The following RIMS2 variants were observed in gnomAD, a reference collection of about 807,000 sequenced individuals.
RIMS2 encodes regulating synaptic membrane exocytosis 2.
RIMS2 carries 59 observed loss-of-function variants against 174.4 expected under a neutral mutation model. The observed-to-expected ratio is 0.34, with a 90% CI of 0.27 to 0.42. The LOEUF (loss-of-function observed/expected upper bound fraction) is 0.42, where lower values mean the gene tolerates loss of function less well. RIMS2 is among the 10% of genes least tolerant of loss of function. The probability of loss-of-function intolerance (pLI) is 1.00; values close to 1 mark genes in which losing one functional copy is unlikely to be tolerated. For missense variants in RIMS2, 1,620 were observed against 1,666.3 expected (o/e 0.97, Z 0.48); for synonymous variants, 606 against 572.5 (o/e 1.06, Z -0.84).
intron 19 of RIMS2, among the ~76,000 whole-genome samples, chr8:104,047,372 A>G (rs2096712884): frequency 6.6e-6 from 1 of 152,098 alleles, no homozygotes; most frequent in Admixed American, 6.6e-5. Flanking sequence ...GTTAGGGAAA[A>G]TATTTGTTCC....
intron 19 of RIMS2, among the ~76,000 whole-genome samples, chr8:104,145,028 A>G (rs901994734): frequency 3.9e-5 from 6 of 152,216 alleles, no homozygotes; most frequent in African/African-American, 1.4e-4. Flanking sequence ...TATGTATAAC[A>G]GCATTTTCAA....
chr8:103,938,350 C>G (rs1158095286), intron 13 of RIMS2, among the ~76,000 whole-genome samples: 1 of 151,958 alleles, frequency 6.6e-6, no homozygotes, highest in Non-Finnish European at 1.5e-5. Context: ...TGGTGGCAGG[C>G]AAAGAGAGAG....
chr8:103,850,138 C>A (rs1451483739), intron 3 of RIMS2, among the ~76,000 whole-genome samples: 1 of 151,924 alleles, frequency 6.6e-6, no homozygotes, highest in Non-Finnish European at 1.5e-5. Flanking sequence ...ACTTTTATTT[C>A]ACTCCAGAAA....
At chr8:103,985,695 G>A (rs1480027709) in intron 16 of RIMS2, among the ~76,000 whole-genome samples, 2 of 151,874 alleles carry the variant, frequency 1.3e-5, no homozygotes, top group African/African-American at 4.8e-5. Flanking sequence ...TGCAACGTTA[G>A]CCACAACAGA....
chr8:104,127,732 C>T (rs778767036), intron 19 of RIMS2, among the ~76,000 whole-genome samples: 3 of 147,288 alleles, frequency 2.0e-5, no homozygotes, highest in Non-Finnish European at 4.5e-5. Context: ...TAAATGGTTG[C>T]AAAAAAAAAC....
At chr8:103,705,488 A>AT (rs1403346026) in intron 2 of RIMS2, among the ~76,000 whole-genome samples, 1 of 151,952 alleles carries the variant, frequency 6.6e-6, no homozygotes, top group Admixed American at 6.6e-5. Flanking sequence ...TTTAATTCTG[A>AT]TTTTTTGTTG....
chr8:103,983,949 G>C (rs1019355581), intron 16 of RIMS2, among the ~76,000 whole-genome samples: 1 of 152,176 alleles, frequency 6.6e-6, no homozygotes, highest in Non-Finnish European at 1.5e-5. Flanking sequence ...CAAGGCGGGC[G>C]GATCACGAGG....
intron 2 of RIMS2, among the ~76,000 whole-genome samples, chr8:103,747,142 G>A (rs1019016212): frequency 4.6e-5 from 7 of 150,916 alleles, no homozygotes; most frequent in Non-Finnish European, 2.9e-5. Flanking sequence ...TGCATAATGT[G>A]CAGGTTAGTT....
chr8:104,133,265 T>G, intron 19 of RIMS2, among the ~76,000 whole-genome samples: 1 of 152,142 alleles, frequency 6.6e-6, no homozygotes, highest in East Asian at 1.9e-4. Flanking sequence ...TAAAGAGTTG[T>G]TTACAAAGAC....
intron 17 of RIMS2, among the ~76,000 whole-genome samples, chr8:103,998,020 A>T (rs1408736075): frequency 1.3e-5 from 2 of 151,736 alleles, no homozygotes; most frequent in East Asian, 3.9e-4. Flanking sequence ...CTGTCATATT[A>T]CAGTGAACAT....
At chr8:104,167,484 A>C (rs1182813750) in intron 19 of RIMS2, among the ~76,000 whole-genome samples, 1 of 151,818 alleles carries the variant, frequency 6.6e-6, no homozygotes, top group Non-Finnish European at 1.5e-5. Context: ...CTTTTTTGAT[A>C]ATTGTCTATG....
intron 19 of RIMS2, among the ~76,000 whole-genome samples, chr8:104,055,768 C>T (rs946000675): frequency 6.6e-5 from 10 of 152,186 alleles, no homozygotes; most frequent in Admixed American, 1.3e-4. Context: ...GATCCTTCTA[C>T]ATAAGAGCAG....
chr8:104,211,045 C>G (rs10955344), intron 19 of RIMS2, among the ~76,000 whole-genome samples: 64,504 of 151,946 alleles, frequency 0.42, 14,376 homozygotes, highest in East Asian at 0.65. Flanking sequence ...AAAATCATTC[C>G]AAACTAGAGA....
chr8:103,631,805 G>A (rs1424400721), intron 1 of RIMS2, among the ~76,000 whole-genome samples: 2 of 152,102 alleles, frequency 1.3e-5, no homozygotes, highest in Non-Finnish European at 2.9e-5. Flanking sequence ...TGATTTCGTT[G>A]AGCAGTGTTT....
chr8:104,065,593 A>G lies in RIMS2; in HGVS notation c.3334+50978A>G, dbSNP rs2097092098. On this transcript the variant is annotated intron_variant, in intron 19 of 23. Transcript: ENST00000504942. The stretch of plus-strand genomic sequence containing the variant: ...TAGTTTCTACAAATATAGAAAAGGA[A>G]CAGAAGACTTCATATGAACCAAATA... Among the ~76,000 whole-genome samples the G allele has an allele frequency of 2.6e-5, 4 of 152,214 alleles. No homozygotes were observed. In the South Asian group the frequency reaches 8.3e-4, roughly 32 times the overall value.
At chr8:103,734,022 T>C (rs1373805025) in intron 2 of RIMS2, among the ~76,000 whole-genome samples, 1 of 107,360 alleles carries the variant, frequency 9.3e-6, no homozygotes, top group African/African-American at 3.1e-5. Flanking sequence ...TTCTTTTTTT[T>C]TTTTTTTTTT....
chr8:103,693,057 T>C (rs1044694641), intron 1 of RIMS2, among the ~76,000 whole-genome samples: 10 of 152,206 alleles, frequency 6.6e-5, no homozygotes, highest in African/African-American at 2.4e-4. Context: ...CTCTGGTTCC[T>C]ACTGCTGTGA....
intron 1 of RIMS2, among the ~76,000 whole-genome samples, chr8:103,613,052 T>C (rs535007354): frequency 6.6e-6 from 1 of 152,276 alleles, no homozygotes; most frequent in South Asian, 2.1e-4. Flanking sequence ...GGTTACCACC[T>C]ATGTGTACTC....
chr8:104,183,911 C>T (rs1369147017), intron 19 of RIMS2, among the ~76,000 whole-genome samples: 1 of 151,550 alleles, frequency 6.6e-6, no homozygotes, highest in Non-Finnish European at 1.5e-5. Context: ...ACTGTGAAAG[C>T]AACATATTTT....
Sources: allele counts gnomAD v4.1 joint callset (sites outside exome capture counted in the v4.1 genomes callset), GRCh38; gene constraint gnomAD v4.1.1; transcripts MANE v1.5; gene names NCBI Gene and HGNC (gene_info 2026-07-23, HGNC 2026-07-21).